Variants in MAN2B2 observed in about 807,000 individuals in gnomAD.
MAN2B2 encodes the protein epididymis-specific alpha-mannosidase.
MAN2B2 carries 106 observed loss-of-function variants against 117.1 expected under a neutral mutation model. The ratio of observed to expected loss-of-function variants is 0.90; its 90% CI spans 0.77 to 1.06. The LOEUF is 1.06. Ranked by LOEUF, MAN2B2 falls within the 50% of genes least tolerant of loss-of-function variation. The probability of loss-of-function intolerance (pLI) is 0.00; values close to 1 mark genes in which losing one functional copy is unlikely to be tolerated. For missense variants in MAN2B2, 1,326 were observed against 1,381.4 expected (o/e 0.96, Z 0.64); for synonymous variants, 544 against 595.1 (o/e 0.91, Z 1.25).
intron 10 of MAN2B2, among the ~76,000 whole-genome samples, chr4:6,602,206 C>T (rs572644647): frequency 2.6e-4 from 39 of 152,340 alleles, no homozygotes; most frequent in East Asian, 7.7e-4. Flanking sequence ...AATGGGGTCA[C>T]GCTATGGGAG....
chr4:6,594,949 T>C (rs1019683153), intron 7 of MAN2B2, among the ~76,000 whole-genome samples: 1 of 152,182 alleles, frequency 6.6e-6, no homozygotes, highest in Non-Finnish European at 1.5e-5. Context: ...TCCCACAGGG[T>C]TCAGCCTCTC....
intron 7 of MAN2B2, among the ~76,000 whole-genome samples, 167 bp from the exon 8 acceptor site, chr4:6,596,946 G>C (rs1488545620): frequency 6.6e-6 from 1 of 152,180 alleles, no homozygotes; most frequent in Non-Finnish European, 1.5e-5. Flanking sequence ...GGAGGCCTGA[G>C]TTGGGAGCCG....
In MAN2B2 at chr4:6,598,153, T is replaced by A. The variant is rs931259873; in HGVS notation, c.1249-45T>A. 5.0e-6 allele frequency: 8 copies of A among 1,593,192 alleles called. No homozygotes were observed. In the African/African-American group the frequency reaches 5.4e-5, roughly 11 times the overall value. The stretch of plus-strand genomic sequence containing the variant: ...GGTGCCTTGTAGGTGCTTTGCAGAG[T>A]CAGGTCCTGATCCTGTTCTTCCTCC... On this transcript the variant is annotated intron_variant, in intron 8 of 18. Coordinates refer to ENST00000285599, the MANE Select transcript of MAN2B2 (RefSeq NM_015274.3).
chr4:6,599,025 C>T (rs964190535), intron 9 of MAN2B2, among the ~76,000 whole-genome samples: 14 of 152,242 alleles, frequency 9.2e-5, no homozygotes, highest in African/African-American at 2.7e-4. Flanking sequence ...GCCCTCCGCC[C>T]GCATGAGACT....
At position 6,575,201 on chromosome 4, in the gene MAN2B2, T is replaced by A; in HGVS notation, c.-10T>A. The A allele has an allele frequency of 7.0e-7, 1 of 1,427,620 alleles. No individual in the cohort carries two copies. Among genetic ancestry groups the A allele is most frequent in the Non-Finnish European group, 9.5e-7 (1 of 1,054,740 alleles). The allele number at this position is 1,427,620 out of a possible 1,614,324, so 88.4% of individuals were successfully genotyped here. On this transcript the variant is annotated 5_prime_UTR_variant, in exon 1 of 19. Transcript: ENST00000285599. Reference sequence around the variant, plus strand: ...AAGTGGGCCTGGCACCTTCCCGGCCTGCCGCAGGGATGGGGCAGCTGTGCT... The same window carrying A: ...AAGTGGGCCTGGCACCTTCCCGGCCAGCCGCAGGGATGGGGCAGCTGTGCT...
At chr4:6,587,750 GTTTTTTTTTTT>G (rs201846526) in intron 4 of MAN2B2, among the ~76,000 whole-genome samples, 22 of 113,464 alleles carry the variant, frequency 1.9e-4, no homozygotes, top group East Asian at 1.2e-3. Context: ...TTGGGTTGTT[GTTTTTTTTTTT>G]TTTTTTTTTT....
intron 17 of MAN2B2, 152 bp downstream of exon 17, chr4:6,617,644 G>A (rs996131595): frequency 1.4e-6 from 2 of 1,460,988 alleles, no homozygotes; most frequent in Non-Finnish European, 1.8e-6. Flanking sequence ...ATGGTCTTCT[G>A]GGTTTGTCAG....
Position 6,605,068 on chromosome 4 carries a change from C to A in MAN2B2, c.1553C>A (p.Thr518Lys), listed in dbSNP as rs780492601. The A allele has an allele frequency of 6.2e-7, 1 of 1,613,194 alleles. No homozygotes were observed. Among genetic ancestry groups the A allele is most frequent in the Non-Finnish European group, 8.5e-7 (1 of 1,179,268 alleles). Residue 518 changes from threonine to lysine, a missense_variant, in exon 11 of 19, where the codon ACA (threonine) becomes AAA (lysine). Physicochemically the swap from Thr to Lys is moderately conservative, Grantham distance 78. Transcript: ENST00000285599. ...CTGGCCTTGCAGATCCAGAACTCAA[C>A]AGAGACCCCATCTGCGTATGACCTG... ...HPVPSQIQNS[T>K]ETPSAYDLLI...
rs1029896760 is a variant in MAN2B2 at position 6,575,264 on chromosome 4, G to T, written c.54G>T (p.Pro18=). The T allele has an allele frequency of 6.4e-7, 1 of 1,551,504 alleles. No homozygotes were observed. The highest frequency in any genetic ancestry group is 1.2e-5 in the South Asian group (1 of 84,952). ...TGGCACCGCTCCTGTTGCTGCGACCGCCAGGGGTCCAGTCCGCCGGCCCCA... is the reference window on the plus strand; with the variant it reads ...TGGCACCGCTCCTGTTGCTGCGACCTCCAGGGGTCCAGTCCGCCGGCCCCA... ...PLLAPLLLLR[P]PGVQSAGPIR... The change falls in exon 1 of 19, where the codon CCG becomes CCT. Residue 18 remains proline, a synonymous_variant. Coordinates refer to ENST00000285599, the MANE Select transcript of MAN2B2 (RefSeq NM_015274.3).
At chr4:6,591,080 G>A (rs1297181751) in intron 5 of MAN2B2, among the ~76,000 whole-genome samples, 1 of 152,116 alleles carries the variant, frequency 6.6e-6, no homozygotes, top group Non-Finnish European at 1.5e-5. Context: ...CCCACAAGAT[G>A]GAGGTTGCAG....
chr4:6,607,074 G>A (rs1332522595), intron 11 of MAN2B2, among the ~76,000 whole-genome samples: 1 of 152,192 alleles, frequency 6.6e-6, no homozygotes, highest in Non-Finnish European at 1.5e-5. Flanking sequence ...ACTTCATGCT[G>A]TTGAGCAATC....
rs1258976724 is a variant in MAN2B2 at position 6,575,342 on chromosome 4, T to C, written c.132T>C (p.Thr44=). The C allele has an allele frequency of 6.4e-7, 1 of 1,565,102 alleles. No individual in the cohort carries two copies. ...HSHMDVGWVY[T]VQESMRAYAA... The stretch of plus-strand genomic sequence containing the variant: ...ACATGGACGTGGGCTGGGTCTACAC[T>C]GTGCAGGTAGGTGCCGACCACGCCC... Residue 44 remains threonine, a synonymous_variant, in exon 1 of 19, where the codon ACT becomes ACC. Transcript: ENST00000285599.
In MAN2B2 at chr4:6,610,054, T is replaced by C. The variant is rs1382341718; in HGVS notation, c.2259+4T>C. ...TGTGAACAACAGCATCGCCCGGGTA[T>C]GTCCTGCAATGCCCACAAGGCACGC... On this transcript the variant is annotated splice_donor_region_variant and intron_variant, in intron 13 of 18. Coordinates refer to ENST00000285599, the MANE Select transcript of MAN2B2 (RefSeq NM_015274.3). 1.2e-6 allele frequency: 2 copies of C among 1,613,896 alleles called. No individual in the cohort carries two copies. Among genetic ancestry groups the C allele is most frequent in the South Asian group, 1.1e-5 (1 of 91,064 alleles).
intron 9 of MAN2B2, 146 bp downstream of exon 9, chr4:6,598,500 T>A (rs936005278): frequency 2.4e-6 from 2 of 844,488 alleles, no homozygotes; most frequent in African/African-American, 3.4e-5. Flanking sequence ...CTCGGACAGG[T>A]GGCTTCAGTC....
chr4:6,600,153 T>C (rs1727268969), intron 9 of MAN2B2, among the ~76,000 whole-genome samples: 1 of 152,140 alleles, frequency 6.6e-6, no homozygotes, highest in African/African-American at 2.4e-5. Context: ...CAGGTCCTCA[T>C]CACAGGGACC....
In MAN2B2 at chr4:6,593,267, A is replaced by T. The variant is rs1207512105; in HGVS notation, c.775A>T (p.Ile259Phe). Residue 259 changes from isoleucine (I) to phenylalanine (F), a missense_variant, in exon 6 of 19, where the codon ATC becomes TTC. Physicochemically the swap from Ile to Phe is conservative, Grantham distance 21. Coordinates refer to ENST00000285599, the MANE Select transcript of MAN2B2 (RefSeq NM_015274.3). ...NMSEPVTPAN[I>F]NLYAEALVAN... ...GAGTGAGCCTGTCACCCCAGCCAAC[A>T]TCAACCTCTATGCCGAGGCCCTGGT... 2.5e-6 allele frequency: 4 copies of T among 1,613,980 alleles called. No individual in the cohort carries two copies. In the African/African-American group the frequency reaches 4.0e-5, roughly 16 times the overall value.
At chr4:6,577,756 A>C (rs1454803414) in intron 2 of MAN2B2, among the ~76,000 whole-genome samples, 1 of 152,200 alleles carries the variant, frequency 6.6e-6, no homozygotes, top group African/African-American at 2.4e-5. Flanking sequence ...CCTCAAAGAG[A>C]AGCATGGCCT....
chr4:6,579,524 CA>C (rs1726344779), intron 3 of MAN2B2, among the ~76,000 whole-genome samples: 3 of 150,094 alleles, frequency 2.0e-5, no homozygotes, highest in African/African-American at 7.5e-5. Flanking sequence ...CCATCACCAC[CA>C]CCCTTCACCA....
In MAN2B2 at chr4:6,614,329, C is replaced by A. The variant is rs61729241; in HGVS notation, c.2675C>A (p.Thr892Lys). 6.2e-7 allele frequency: 1 copy of A among 1,614,040 alleles called. No individual in the cohort carries two copies. The highest frequency in any genetic ancestry group is 8.5e-7 in the Non-Finnish European group (1 of 1,179,960). ...GGCTGGCGCTACAGCTCCAACCACA[C>A]GGAGCACTCTCAGAATCTCCGGAAA... ...IPGWRYSSNH[T>K]EHSQNLRKGH... is the part of the protein sequence containing the mutation. The change falls in exon 16 of 19, where the codon ACG becomes AAG. Residue 892 changes from threonine to lysine, a missense_variant. Physicochemically the swap from Thr to Lys is moderately conservative, Grantham distance 78. Transcript: ENST00000285599.
Sources: allele counts gnomAD v4.1 joint callset (sites outside exome capture counted in the v4.1 genomes callset), GRCh38; gene constraint gnomAD v4.1.1; transcripts MANE v1.5; gene names NCBI Gene and HGNC (gene_info 2026-07-23, HGNC 2026-07-21).